The following SOX5 variants were observed in gnomAD, a reference collection of about 807,000 sequenced individuals.
SOX5 encodes SRY-box transcription factor 5.
SOX5 carries 9 observed loss-of-function variants against 92.0 expected under a neutral mutation model. That is an observed-to-expected ratio of 0.10 (90% CI 0.06 to 0.17). SOX5 has a LOEUF of 0.17. SOX5 is among the 10% of genes least tolerant of loss of function. The pLI is 1.00. For synonymous variants in SOX5, 344 were observed against 336.3 expected (o/e 1.02, Z -0.25); for missense variants, 642 against 944.5 (o/e 0.68, Z 4.20).
chr12:24,084,294 C>T (rs1205612372), intron 4 of SOX5, among the ~76,000 whole-genome samples: 3 of 151,886 alleles, frequency 2.0e-5, no homozygotes, highest in Non-Finnish European at 4.4e-5. Context: ...GAAGTGGAGT[C>T]AGTAAAATGG....
At chr12:23,608,181 C>G (rs2075509895) in intron 8 of SOX5, among the ~76,000 whole-genome samples, 1 of 145,450 alleles carries the variant, frequency 6.9e-6, no homozygotes, top group Admixed American at 6.8e-5. Context: ...TTAGTTTAAC[C>G]AGACTCACAG....
intron 1 of SOX5, among the ~76,000 whole-genome samples, chr12:24,469,769 G>A (rs981943080): frequency 6.6e-6 from 1 of 152,106 alleles, no homozygotes; most frequent in Non-Finnish European, 1.5e-5. Flanking sequence ...GTATCCACAG[G>A]GGAGGATGAA....
intron 4 of SOX5, among the ~76,000 whole-genome samples, chr12:24,076,096 G>A (rs147323555): frequency 2.0e-4 from 30 of 152,236 alleles, no homozygotes; most frequent in African/African-American, 2.6e-4. Context: ...GTTTTTTGTC[G>A]TTGGTTTCTT....
Position 24,507,979 on chromosome 12 carries a change from A to G in SOX5, c.-251+54350T>C, listed in dbSNP as rs186952668. Among the ~76,000 whole-genome samples the G allele has an allele frequency of 8.5e-4, 129 of 152,284 alleles. 4 individuals carry two copies. The South Asian group carries it at 0.022, about 25-fold the overall frequency. On this transcript the variant is annotated intron_variant, in intron 1 of 4. Coordinates refer to the SOX5 transcript ENST00000446891. Reference sequence around the variant, plus strand: ...CTATGTACCAGGCAGAGAAAATGGCATCAGTGAAAACACTGACCCAAGGCA... The same window carrying G: ...CTATGTACCAGGCAGAGAAAATGGCGTCAGTGAAAACACTGACCCAAGGCA...
At chr12:23,853,854 C>A (rs2096659723) in intron 2 of SOX5, among the ~76,000 whole-genome samples, 1 of 152,030 alleles carries the variant, frequency 6.6e-6, no homozygotes, top group Non-Finnish European at 1.5e-5. Context: ...GTTTGATGAT[C>A]TCTTCCCTGA....
intron 3 of SOX5, among the ~76,000 whole-genome samples, chr12:23,781,933 T>A (rs955091445): frequency 6.6e-6 from 1 of 152,112 alleles, no homozygotes; most frequent in African/African-American, 2.4e-5. Context: ...ATAATAACTT[T>A]CTAAGGTTAA....
chr12:23,879,262 T>C (rs1452569289), intron 2 of SOX5, among the ~76,000 whole-genome samples: 2 of 152,020 alleles, frequency 1.3e-5, no homozygotes, highest in Admixed American at 6.6e-5. Context: ...TAAGTAAATG[T>C]AGGAGGTAGT....
intron 1 of SOX5, among the ~76,000 whole-genome samples, chr12:24,391,215 T>C (rs1019798918): frequency 6.6e-6 from 1 of 152,204 alleles, no homozygotes; most frequent in Admixed American, 6.5e-5. Flanking sequence ...GCTGCTTGTA[T>C]GTCTTCTTTT....
intron 1 of SOX5, among the ~76,000 whole-genome samples, chr12:24,477,316 T>A (rs1272257932): frequency 1.3e-5 from 2 of 152,046 alleles, no homozygotes; most frequent in Non-Finnish European, 2.9e-5. Context: ...GTATTTTTAA[T>A]AGAGACGAGG....
intron 2 of SOX5, among the ~76,000 whole-genome samples, chr12:24,301,720 C>T (rs969687920): frequency 4.6e-5 from 7 of 152,080 alleles, no homozygotes; most frequent in South Asian, 4.1e-4. Context: ...AGCATGAGTG[C>T]GCACACGTAA....
rs564738734 is a variant in SOX5 at position 24,283,291 on chromosome 12, C to A, written c.-173-5979G>T. On this transcript the variant is annotated intron_variant, in intron 2 of 4. Transcript: ENST00000446891. ...GCAAGTGGTTCTGTCTTGCTCAGAG[C>A]CAAGAGAAGTCTTCACAGGTATCTC... Among the ~76,000 whole-genome samples, 245 of 152,300 alleles carry A rather than the reference C, an allele frequency of 1.6e-3. 1 individual carries two copies. Among genetic ancestry groups the A allele is most frequent in the African/African-American group, 5.3e-3 (220 of 41,564 alleles).
intron 12 of SOX5, among the ~76,000 whole-genome samples, chr12:23,545,358 G>A (rs1942914693): frequency 6.6e-6 from 1 of 152,198 alleles, no homozygotes; most frequent in African/African-American, 2.4e-5. Flanking sequence ...GTAGAGAGAT[G>A]TTCCCGGTCA....
intron 4 of SOX5, among the ~76,000 whole-genome samples, chr12:24,199,038 A>T (rs914098908): frequency 1.3e-5 from 2 of 152,126 alleles, no homozygotes; most frequent in Non-Finnish European, 2.9e-5. Context: ...AGAGGCTGGG[A>T]TGTCCCCTTT....
chr12:23,742,523 T>A (rs1593918087), intron 4 of SOX5, among the ~76,000 whole-genome samples: 1 of 152,116 alleles, frequency 6.6e-6, no homozygotes, highest in Non-Finnish European at 1.5e-5. Context: ...TATAAATATA[T>A]CTTGGGAAGA....
chr12:23,651,112 T>G (rs58226109), intron 7 of SOX5, among the ~76,000 whole-genome samples: 8,121 of 152,114 alleles, frequency 0.053, 707 homozygotes, highest in African/African-American at 0.18. Flanking sequence ...AATTATTCCC[T>G]CATCGTTTTT....
At chr12:23,534,910 A>G (rs1296348454) in intron 14 of SOX5, among the ~76,000 whole-genome samples, 5 of 151,740 alleles carry the variant, frequency 3.3e-5, no homozygotes, top group African/African-American at 1.2e-4. Context: ...GGGTTTCACC[A>G]TGTTGGCCAG....
chr12:24,314,692 C>A (rs953495553), intron 2 of SOX5, among the ~76,000 whole-genome samples: 2 of 152,172 alleles, frequency 1.3e-5, no homozygotes, highest in Non-Finnish European at 2.9e-5. Flanking sequence ...TACCTTCTGA[C>A]CATATGTCCT....
chr12:24,098,691 T>C lies in SOX5; in HGVS notation c.-2+114652A>G, dbSNP rs145204959. ...CTTTCCAGAAATGTGTATAGTTTCT[T>C]TGCCTTGAACACTCTCAGCTTCTCC... On this transcript the variant is annotated intron_variant, in intron 4 of 4. Coordinates refer to the SOX5 transcript ENST00000446891. Among the ~76,000 whole-genome samples the C allele has an allele frequency of 5.6e-3, 858 of 152,284 alleles. 22 individuals carry two copies. The highest frequency in any genetic ancestry group is 0.05 in the Admixed American group (761 of 15,276).
intron 4 of SOX5, among the ~76,000 whole-genome samples, chr12:23,989,401 A>C (rs1950354266): frequency 6.6e-6 from 1 of 151,954 alleles, no homozygotes; most frequent in Non-Finnish European, 1.5e-5. Context: ...TCAATCAATC[A>C]ATCAATCAAT....
Sources: gnomAD v4.1 joint callset for allele counts (sites outside exome capture counted in the v4.1 genomes callset) on GRCh38, gnomAD v4.1.1 for gene constraint, MANE v1.5 for transcripts, NCBI Gene and HGNC (gene_info 2026-07-23, HGNC 2026-07-21) for gene names.